The following FSTL5 variants were observed in gnomAD, a reference collection of about 807,000 sequenced individuals.
FSTL5 encodes the protein follistatin-related protein 5.
Under a neutral mutation model 89.1 loss-of-function variants are expected in FSTL5, and 62 were observed. The observed-to-expected ratio is 0.70, with a 90% CI of 0.57 to 0.86. The LOEUF is 0.86. Ranked by LOEUF, FSTL5 falls within the 40% of genes least tolerant of loss-of-function variation. The probability of loss-of-function intolerance (pLI) is 0.00; values close to 1 mark genes in which losing one functional copy is unlikely to be tolerated. For synonymous variants in FSTL5, 383 were observed against 346.2 expected (o/e 1.11, Z -1.18); for missense variants, 1,057 against 1,001.6 (o/e 1.06, Z -0.75).
chr4:161,742,899 A>G (rs1245247252), intron 6 of FSTL5, among the ~76,000 whole-genome samples: 1 of 152,176 alleles, frequency 6.6e-6, no homozygotes, highest in African/African-American at 2.4e-5. Flanking sequence ...CTTTAAATAT[A>G]TAAAATGCAG....
intron 4 of FSTL5, among the ~76,000 whole-genome samples, chr4:161,874,747 T>A (rs1032937396): frequency 6.6e-6 from 1 of 152,110 alleles, no homozygotes; most frequent in South Asian, 2.1e-4. Context: ...TTTTGTAATA[T>A]TAATTATAGT....
intron 15 of FSTL5, among the ~76,000 whole-genome samples, chr4:161,453,234 T>C (rs1209990254): frequency 6.6e-6 from 1 of 152,148 alleles, no homozygotes; most frequent in Non-Finnish European, 1.5e-5. Context: ...AGTACATTTT[T>C]AAAAAATAAG....
intron 15 of FSTL5, among the ~76,000 whole-genome samples, chr4:161,390,643 T>C (rs750438662): frequency 6.6e-6 from 1 of 152,090 alleles, no homozygotes; most frequent in African/African-American, 2.4e-5. Flanking sequence ...CCTGAGATGC[T>C]ACTGAAGAAA....
At chr4:161,709,079 A>G (rs889760676) in intron 6 of FSTL5, among the ~76,000 whole-genome samples, 4 of 152,178 alleles carry the variant, frequency 2.6e-5, no homozygotes, top group African/African-American at 9.7e-5. Context: ...TGGCTTGAAT[A>G]ATTTTAGTGG....
In FSTL5 at chr4:161,587,566, C is replaced by T; in HGVS notation, c.904G>A (p.Asp302Asn). ...LDLEDINDFG[D>N]DGSLYITKVT... ...TTAGTAATATACAAGGACCCATCAT[C>T]TCCAAAGTCCTATTAAAAATAAAAT... The change falls in exon 8 of 16, where the codon GAT becomes AAT. Residue 302 changes from aspartate to asparagine, a missense_variant. Physicochemically the swap from Asp to Asn is conservative, Grantham distance 23 (BLOSUM62 1). This residue lies in a region of FSTL5 where 980 missense variants were observed against 903.2 expected (regional missense o/e 1.08). Coordinates refer to ENST00000306100, the MANE Select transcript of FSTL5 (RefSeq NM_020116.5). 1 of 1,594,900 alleles carries T rather than the reference C, an allele frequency of 6.3e-7. No homozygotes were observed. The highest frequency in any genetic ancestry group is 1.1e-5 in the South Asian group (1 of 87,264).
chr4:161,417,258 C>T (rs1179787688), intron 15 of FSTL5, among the ~76,000 whole-genome samples: 2 of 152,208 alleles, frequency 1.3e-5, no homozygotes, highest in South Asian at 4.1e-4. Context: ...AGATATTTAA[C>T]TGTTTTTGTT....
intron 7 of FSTL5, among the ~76,000 whole-genome samples, chr4:161,594,261 A>C (rs13137433): frequency 0.17 from 26,238 of 152,108 alleles, 2,357 homozygotes; most frequent in Middle Eastern, 0.32. Flanking sequence ...AACAATAGTG[A>C]AAATTCTGAA....
intron 6 of FSTL5, among the ~76,000 whole-genome samples, chr4:161,695,003 C>T (rs994786459): frequency 6.6e-6 from 1 of 151,604 alleles, no homozygotes; most frequent in African/African-American, 2.4e-5. Flanking sequence ...GTGTTTTCTC[C>T]CTTTAAATTC....
intron 6 of FSTL5, among the ~76,000 whole-genome samples, chr4:161,724,479 A>T (rs1417379947): frequency 2.0e-5 from 3 of 152,220 alleles, no homozygotes; most frequent in Non-Finnish European, 4.4e-5. Context: ...TTGTACATGT[A>T]TATGAAGGAA....
chr4:161,702,134 C>A (rs1271314587), intron 6 of FSTL5, among the ~76,000 whole-genome samples: 1 of 151,880 alleles, frequency 6.6e-6, no homozygotes, highest in African/African-American at 2.4e-5. Flanking sequence ...AGGTTTTTTT[C>A]TTGATTTACA....
At chr4:161,549,105 G>A (rs1578916572) in intron 8 of FSTL5, among the ~76,000 whole-genome samples, 1 of 151,654 alleles carries the variant, frequency 6.6e-6, no homozygotes, top group East Asian at 2.0e-4. Flanking sequence ...CCTCAGATTT[G>A]GAAAATCCCC....
chr4:162,019,910 TAG>T (rs1256518988), intron 3 of FSTL5, among the ~76,000 whole-genome samples: 2 of 149,786 alleles, frequency 1.3e-5, no homozygotes, highest in Admixed American at 6.7e-5. Flanking sequence ...TACAAAACTT[TAG>T]AGACATTGTT....
chr4:161,736,359 A>G (rs1739818951), intron 6 of FSTL5, among the ~76,000 whole-genome samples: 1 of 152,080 alleles, frequency 6.6e-6, no homozygotes, highest in Non-Finnish European at 1.5e-5. Context: ...TTTACTCTAA[A>G]TTTGAATTTA....
At chr4:161,559,867 A>G (rs4602453) in intron 8 of FSTL5, among the ~76,000 whole-genome samples, 7,893 of 151,950 alleles carry the variant, frequency 0.052, 275 homozygotes, top group East Asian at 0.15. Context: ...CACCTAAGCT[A>G]TATGGTATAG....
Position 161,929,660 on chromosome 4 carries a change from C to CGTGTGTGTGT in FSTL5, c.161-9018_161-9009dup, listed in dbSNP as rs765281533. Among the ~76,000 whole-genome samples, 924 of 126,900 alleles carry CGTGTGTGTGT rather than the reference C, an allele frequency of 7.3e-3. 5 individuals are homozygous for CGTGTGTGTGT. Among genetic ancestry groups the CGTGTGTGTGT allele is most frequent in the Non-Finnish European group, 0.01 (603 of 60,296 alleles). The allele number at this position is 126,900 out of a possible 152,430, so 83.3% of individuals were successfully genotyped here. A position where few individuals can be genotyped will look rare whatever the true frequency, so the allele number is the denominator to read the frequency against. ...CCACTCTAGCAGATGTAGGTAGGCA[C>CGTGTGTGTGT]GTGTGTGTGTGTGTGTGTGTGTGTG... is the stretch of plus-strand genomic sequence containing the variant. On this transcript the variant is annotated intron_variant, in intron 3 of 15. Coordinates refer to ENST00000306100, the MANE Select transcript of FSTL5 (RefSeq NM_020116.5).
chr4:161,980,495 G>C (rs1735795981), intron 3 of FSTL5, among the ~76,000 whole-genome samples: 2 of 151,396 alleles, frequency 1.3e-5, no homozygotes, highest in African/African-American at 4.9e-5. Flanking sequence ...TTCCTTCCTA[G>C]TTGTCTCTCT....
At chr4:162,021,305 T>C (rs889369080) in intron 3 of FSTL5, among the ~76,000 whole-genome samples, 6 of 152,150 alleles carry the variant, frequency 3.9e-5, no homozygotes, top group East Asian at 1.9e-4. Flanking sequence ...ATTTTAAGAA[T>C]GACAATCTCA....
At chr4:161,735,783 A>G (rs993435114) in intron 6 of FSTL5, among the ~76,000 whole-genome samples, 4 of 152,194 alleles carry the variant, frequency 2.6e-5, no homozygotes, top group Admixed American at 2.6e-4. Flanking sequence ...AACCAAATGT[A>G]CAGACTCGCC....
intron 4 of FSTL5, among the ~76,000 whole-genome samples, chr4:161,819,928 A>G (rs1411371200): frequency 6.6e-6 from 1 of 152,072 alleles, no homozygotes; most frequent in African/African-American, 2.4e-5. Flanking sequence ...ACATAATGAG[A>G]AAAAGTAAAA....
Sources: allele counts gnomAD v4.1 joint callset (sites outside exome capture counted in the v4.1 genomes callset), GRCh38; gene constraint gnomAD v4.1.1; regional missense constraint gnomAD v4.1.1; transcripts MANE v1.5; gene names NCBI Gene and HGNC (gene_info 2026-07-23, HGNC 2026-07-21).